The following DYSF variants were observed in gnomAD, a reference collection of about 807,000 sequenced individuals.
DYSF encodes the protein dystrophy-associated fer-1-like 1.
DYSF carries 212 observed loss-of-function variants against 274.9 expected under a neutral mutation model. The ratio of observed to expected loss-of-function variants is 0.77; its 90% CI spans 0.69 to 0.86. DYSF has a LOEUF of 0.86. Ranked by LOEUF, DYSF falls within the 40% of genes least tolerant of loss-of-function variation. DYSF has a pLI of 0.00. For missense variants in DYSF, 2,666 were observed against 2,783.2 expected (o/e 0.96, Z 0.95); for synonymous variants, 1,091 against 1,078.7 (o/e 1.01, Z -0.22).
chr2:71,653,943 A>G (rs1278520709), intron 42 of DYSF, among the ~76,000 whole-genome samples: 1 of 152,152 alleles, frequency 6.6e-6, no homozygotes, highest in African/African-American at 2.4e-5. Context: ...TACCATAAAT[A>G]AAAATATCAT....
At chr2:71,549,483 T>C (rs773643476) in intron 17 of DYSF, 4 of 1,304,630 alleles carry the variant, frequency 3.1e-6, no homozygotes, top group Non-Finnish European at 4.4e-6. Context: ...GGGTTTTTGA[T>C]TTGCCTGAGG....
chr2:71,475,598 C>T (rs1488912306), intron 1 of DYSF, among the ~76,000 whole-genome samples: 1 of 151,956 alleles, frequency 6.6e-6, no homozygotes. Context: ...TTCACTAGAT[C>T]CATCAGAGTG....
chr2:71,495,328 G>A (rs572048401), intron 3 of DYSF, among the ~76,000 whole-genome samples: 1 of 152,354 alleles, frequency 6.6e-6, no homozygotes, highest in African/African-American at 2.4e-5. Flanking sequence ...GCCCAGCCAC[G>A]CAGCTGGTCA....
intron 29 of DYSF, among the ~76,000 whole-genome samples, chr2:71,571,914 ACC>A (rs2092497376): frequency 6.8e-6 from 1 of 147,412 alleles, no homozygotes; most frequent in African/African-American, 2.5e-5. Flanking sequence ...CACAGATCAC[ACC>A]CAGCACATGC....
intron 46 of DYSF, among the ~76,000 whole-genome samples, 180 bp from the exon 47 acceptor site, chr2:71,664,982 T>G (rs2094968834): frequency 6.6e-6 from 1 of 152,218 alleles, no homozygotes; most frequent in South Asian, 2.1e-4. Context: ...TCTCTGAGCC[T>G]CCATTTCTCC....
chr2:71,539,523 C>T (rs905691685), intron 17 of DYSF, among the ~76,000 whole-genome samples: 5 of 152,178 alleles, frequency 3.3e-5, no homozygotes, highest in South Asian at 2.1e-4. Flanking sequence ...TCCATCAGGT[C>T]CTGCCTTGGC....
intron 17 of DYSF, among the ~76,000 whole-genome samples, chr2:71,540,825 T>A (rs903076950): frequency 6.6e-6 from 1 of 152,086 alleles, no homozygotes; most frequent in Admixed American, 6.5e-5. Context: ...GTCATTTATG[T>A]AGTAAATAAT....
chr2:71,556,362 T>C (rs2091340729), intron 22 of DYSF, among the ~76,000 whole-genome samples: 1 of 152,192 alleles, frequency 6.6e-6, no homozygotes, highest in African/African-American at 2.4e-5. Context: ...ATTTCCCTGA[T>C]GGAATCTCCA....
chr2:71,671,621 T>G (rs2095123188), intron 51 of DYSF, among the ~76,000 whole-genome samples: 1 of 152,100 alleles, frequency 6.6e-6, no homozygotes, highest in Admixed American at 6.5e-5. Context: ...GCAGGTGACT[T>G]GAGACCAGTG....
intron 41 of DYSF, among the ~76,000 whole-genome samples, chr2:71,633,742 C>T (rs542488144): frequency 6.6e-6 from 1 of 152,124 alleles, no homozygotes; most frequent in African/African-American, 2.4e-5. Context: ...CATAGTGACC[C>T]AAGGTTTAAC....
At chr2:71,472,790 A>G (rs1264574278) in intron 1 of DYSF, among the ~76,000 whole-genome samples, 10 of 152,124 alleles carry the variant, frequency 6.6e-5, no homozygotes, top group Non-Finnish European at 1.5e-4. Flanking sequence ...TTACTTTTTC[A>G]TTTGCCCATG....
chr2:71,628,314 A>G (rs941725667), intron 41 of DYSF, among the ~76,000 whole-genome samples: 9 of 152,172 alleles, frequency 5.9e-5, no homozygotes, highest in African/African-American at 1.9e-4. Context: ...ATCAATTTGC[A>G]AACTTTTGTA....
chr2:71,477,421 C>A (rs1397022680), intron 1 of DYSF, among the ~76,000 whole-genome samples: 3 of 152,008 alleles, frequency 2.0e-5, no homozygotes, highest in Non-Finnish European at 4.4e-5. Context: ...CGGGCTCTGT[C>A]AGGAGCTGGT....
At chr2:71,662,249 C>T (rs1196400549) in intron 45 of DYSF, among the ~76,000 whole-genome samples, 1 of 152,232 alleles carries the variant, frequency 6.6e-6, no homozygotes, top group Non-Finnish European at 1.5e-5. Flanking sequence ...TTACCTTCTC[C>T]TTTCCCCTGA....
At chr2:71,578,515 A>C (rs1427032717) in intron 30 of DYSF, among the ~76,000 whole-genome samples, 2 of 152,204 alleles carry the variant, frequency 1.3e-5, no homozygotes, top group African/African-American at 4.8e-5. Context: ...TGTGAGTGCA[A>C]CTAAACCCCT....
chr2:71,533,643 T>C (rs1226661962), intron 14 of DYSF, among the ~76,000 whole-genome samples: 4 of 152,214 alleles, frequency 2.6e-5, no homozygotes, highest in Admixed American at 1.3e-4. Flanking sequence ...GTAGGATTCA[T>C]AGGGCAGTGG....
At chr2:71,478,905 T>TC (rs2082641013) in intron 1 of DYSF, among the ~76,000 whole-genome samples, 1 of 151,876 alleles carries the variant, frequency 6.6e-6, no homozygotes, top group African/African-American at 2.4e-5. Flanking sequence ...CCTCTCTGCT[T>TC]CCCTCCTCCT....
chr2:71,471,237 AT>A lies in DYSF; in HGVS notation c.91+4312del, dbSNP rs930128740. On this transcript the variant is annotated intron_variant, in intron 1 of 55. Coordinates refer to ENST00000410020, the MANE Select transcript of DYSF (RefSeq NM_001130987.2). Reference sequence around the variant, plus strand: ...AACAATTTGACACATTTCCTCCAAGATTTTTTTTCTTAAAAATTTTAGTTAT... The same window carrying A: ...AACAATTTGACACATTTCCTCCAAGATTTTTTTCTTAAAAATTTTAGTTAT... 1.6e-4 allele frequency among the ~76,000 whole-genome samples: 24 copies of A among 152,202 alleles called. No homozygotes were observed. In the East Asian group the frequency reaches 3.9e-3, roughly 24 times the overall value.
chr2:71,524,797 C>G (rs535686069), intron 12 of DYSF, among the ~76,000 whole-genome samples: 5 of 152,348 alleles, frequency 3.3e-5, no homozygotes, highest in Admixed American at 2.0e-4. Flanking sequence ...AGGTCTCAAG[C>G]TGGGAAGCAT....
Sources: allele counts gnomAD v4.1 joint callset (sites outside exome capture counted in the v4.1 genomes callset), GRCh38; gene constraint gnomAD v4.1.1; transcripts MANE v1.5; gene names NCBI Gene and HGNC (gene_info 2026-07-23, HGNC 2026-07-21).